ASIC2: variants seen among roughly 807,000 people sequenced by gnomAD.
ASIC2 encodes acid sensing ion channel subunit 2, also known as acid-sensing ion channel 2.
In ASIC2, 25 loss-of-function variants were observed where a neutral mutation model predicts 57.3. The ratio of observed to expected loss-of-function variants is 0.44; its 90% CI spans 0.32 to 0.61. ASIC2 has a LOEUF of 0.61. Among genes scored for constraint, ASIC2 ranks in the 20% least tolerant of loss-of-function variants. ASIC2 has a pLI of 0.06. For missense variants in ASIC2, 641 were observed against 738.1 expected (o/e 0.87, Z 1.52); for synonymous variants, 319 against 307.5 (o/e 1.04, Z -0.39).
intron 1 of ASIC2, among the ~76,000 whole-genome samples, chr17:33,234,701 ATCT>A (rs1367810831): frequency 6.6e-6 from 1 of 152,196 alleles, no homozygotes; most frequent in Non-Finnish European, 1.5e-5. Context: ...CCTAAATGGC[ATCT>A]TCTTGCTGTA....
At chr17:33,826,369 A>G (rs1912911812) in intron 1 of ASIC2, among the ~76,000 whole-genome samples, 1 of 152,208 alleles carries the variant, frequency 6.6e-6, no homozygotes, top group African/African-American at 2.4e-5. Context: ...GTGAGGCACG[A>G]TTGGGAGCTG....
chr17:34,076,614 T>C (rs1434157639), intron 1 of ASIC2, among the ~76,000 whole-genome samples: 1 of 152,218 alleles, frequency 6.6e-6, no homozygotes, highest in Admixed American at 6.5e-5. Context: ...AGAATGGAGC[T>C]TTGAGGGCTC....
Position 34,083,743 on chromosome 17 carries a change from G to A in ASIC2, c.555+72235C>T, listed in dbSNP as rs1417256829. On this transcript the variant is annotated intron_variant, in intron 1 of 9. Coordinates refer to the ASIC2 transcript ENST00000359872. ...CTGGTGTAAGATGATATCCCATTGT[G>A]GTTTTGATTTGCATTTCTCTGATGG... Among the ~76,000 whole-genome samples, 4 of 152,178 alleles carry A rather than the reference G, an allele frequency of 2.6e-5. No homozygotes were observed. In the East Asian group the frequency reaches 7.7e-4, roughly 29 times the overall value.
Position 33,485,480 on chromosome 17 carries a change from G to C in ASIC2, c.556-373413C>G, listed in dbSNP as rs116064265. The stretch of plus-strand genomic sequence containing the variant: ...ATCCACTTAGCAATGTATACAGTTA[G>C]TAGGCTCCATGTGCTTCAATATCCT... On this transcript the variant is annotated intron_variant, in intron 1 of 9. Transcript: ENST00000359872. Among the ~76,000 whole-genome samples, 298 of 152,336 alleles carry C rather than the reference G, an allele frequency of 2.0e-3. 1 individual carries two copies. Among genetic ancestry groups the C allele is most frequent in the African/African-American group, 6.6e-3 (274 of 41,580 alleles).
chr17:33,442,865 G>C (rs1911874023), intron 1 of ASIC2, among the ~76,000 whole-genome samples: 1 of 152,072 alleles, frequency 6.6e-6, no homozygotes, highest in South Asian at 2.1e-4. Flanking sequence ...CTGATTGTGG[G>C]GGAAACATTT....
chr17:33,920,074 A>T (rs1915675465), intron 1 of ASIC2, among the ~76,000 whole-genome samples: 1 of 152,252 alleles, frequency 6.6e-6, no homozygotes, highest in Non-Finnish European at 1.5e-5. Flanking sequence ...TGCTGGTGGG[A>T]ATATAAATTC....
intron 1 of ASIC2, among the ~76,000 whole-genome samples, chr17:33,649,441 C>T (rs1035665963): frequency 6.6e-6 from 1 of 152,128 alleles, no homozygotes; most frequent in East Asian, 1.9e-4. Flanking sequence ...TTGAAAAACT[C>T]GACATATCAA....
intron 1 of ASIC2, among the ~76,000 whole-genome samples, chr17:33,453,284 G>GAAAAAAAA (rs3057620): frequency 7.7e-6 from 1 of 129,644 alleles, no homozygotes. Flanking sequence ...CAAAGCAGGT[G>GAAAAAAAA]AAAAAAAAAA....
At chr17:33,354,449 C>T (rs1908300784) in intron 1 of ASIC2, among the ~76,000 whole-genome samples, 1 of 152,114 alleles carries the variant, frequency 6.6e-6, no homozygotes, top group South Asian at 2.1e-4. Context: ...CCAAGCTATC[C>T]CCCACATAAG....
rs560401578 is a variant in ASIC2 at position 33,740,130 on chromosome 17, C to G, written c.555+415848G>C. 9.2e-5 allele frequency among the ~76,000 whole-genome samples: 14 copies of G among 152,246 alleles called. No individual in the cohort carries two copies. In the South Asian group the frequency reaches 2.1e-3, roughly 23 times the overall value. On this transcript the variant is annotated intron_variant, in intron 1 of 9. Transcript: ENST00000359872. Reference sequence around the variant, plus strand: ...AGTCATAGCCAAGTACAATATATGCCTTGAAGAATGAACTAGAATAAGTAG... The same window carrying G: ...AGTCATAGCCAAGTACAATATATGCGTTGAAGAATGAACTAGAATAAGTAG...
intron 3 of ASIC2, chr17:33,052,578 G>A (rs1043238579): frequency 2.0e-5 from 3 of 152,208 alleles, no homozygotes; most frequent in Non-Finnish European, 4.4e-5. Flanking sequence ...CTTCAGGATA[G>A]ATAGGGCAGA....
intron 1 of ASIC2, among the ~76,000 whole-genome samples, chr17:33,968,341 C>T (rs1258869087): frequency 6.6e-6 from 1 of 152,174 alleles, no homozygotes; most frequent in South Asian, 2.1e-4. Context: ...AGAATCTCTG[C>T]GGAGACCTCT....
At chr17:33,985,028 AAT>A in intron 1 of ASIC2, among the ~76,000 whole-genome samples, 1 of 152,342 alleles carries the variant, frequency 6.6e-6, no homozygotes, top group Non-Finnish European at 1.5e-5. Context: ...AGGCAGTCTG[AAT>A]ATAGATGTGA....
At chr17:33,393,009 C>G (rs1160380284) in intron 1 of ASIC2, among the ~76,000 whole-genome samples, 5 of 152,156 alleles carry the variant, frequency 3.3e-5, no homozygotes, top group African/African-American at 4.8e-5. Flanking sequence ...TTCAATTTCT[C>G]TAGCCCCCAT....
intron 3 of ASIC2, among the ~76,000 whole-genome samples, chr17:33,037,115 A>C (rs2091911742): frequency 7.3e-6 from 1 of 137,766 alleles, no homozygotes; most frequent in Non-Finnish European, 1.5e-5. Flanking sequence ...AAAAAAAATT[A>C]GCCAGGTGTG....
chr17:33,269,181 T>G lies in ASIC2; in HGVS notation c.708+22227A>C, dbSNP rs533867195. On this transcript the variant is annotated intron_variant, in intron 1 of 9. Transcript: ENST00000225823. ...GATTCAGACCAGTTTTTGTGTTTAA[T>G]TTTTGACTTGAGATTCTTATGCCAC... Among the ~76,000 whole-genome samples, 225 of 152,284 alleles carry G rather than the reference T, an allele frequency of 1.5e-3. 1 individual carries two copies. The highest frequency in any genetic ancestry group is 2.8e-3 in the Non-Finnish European group (192 of 68,028).
intron 1 of ASIC2, among the ~76,000 whole-genome samples, chr17:33,579,631 C>T (rs1231025453): frequency 2.0e-5 from 3 of 152,150 alleles, no homozygotes; most frequent in Admixed American, 6.5e-5. Context: ...TGTTCAGCTG[C>T]GTCTGAAGTT....
At chr17:33,734,286 C>T (rs560586532) in intron 1 of ASIC2, among the ~76,000 whole-genome samples, 7 of 151,582 alleles carry the variant, frequency 4.6e-5, no homozygotes, top group Non-Finnish European at 7.4e-5. Context: ...CCCTTGCATC[C>T]GTGAGAGGCC....
intron 1 of ASIC2, among the ~76,000 whole-genome samples, chr17:33,135,320 C>T (rs927573570): frequency 6.6e-6 from 1 of 152,172 alleles, no homozygotes; most frequent in African/African-American, 2.4e-5. Context: ...AAATACTTTC[C>T]CCTCTTCAAG....
Sources: allele counts gnomAD v4.1 joint callset (sites outside exome capture counted in the v4.1 genomes callset), GRCh38; gene constraint gnomAD v4.1.1; transcripts MANE v1.5; gene names NCBI Gene and HGNC (gene_info 2026-07-23, HGNC 2026-07-21).